Variants in TENM2 observed in about 807,000 individuals in gnomAD.
TENM2 encodes teneurin transmembrane protein 2.
In TENM2, 52 loss-of-function variants were observed where a neutral mutation model predicts 245.2. The ratio of observed to expected loss-of-function variants is 0.21; its 90% CI spans 0.17 to 0.27. TENM2 has a LOEUF of 0.27. Among genes scored for constraint, TENM2 ranks in the 10% least tolerant of loss-of-function variants. The pLI, the probability that TENM2 is intolerant of heterozygous loss-of-function variation, is 1.00. For missense variants in TENM2, 3,046 were observed against 3,666.8 expected, an observed-to-expected ratio of 0.83 and a Z score of 4.37; for synonymous variants, 1,363 against 1,438.9, an observed-to-expected ratio of 0.95 and a Z score of 1.19.
chr5:167,403,676 G>A (rs1762482574), intron 2 of TENM2, among the ~76,000 whole-genome samples: 1 of 152,088 alleles, frequency 6.6e-6, no homozygotes, highest in South Asian at 2.1e-4. Context: ...AACTTCTTCA[G>A]AAAGAACATA....
At chr5:167,231,457 A>G in the TENM2 span, among the ~76,000 whole-genome samples, 3 of 152,224 alleles carry the variant, frequency 2.0e-5, no homozygotes, top group African/African-American at 7.2e-5. Flanking sequence ...AACTCTTACT[A>G]TGTTTTAGCA....
At chr5:168,042,497 G>A (rs1240930993) in intron 5 of TENM2, among the ~76,000 whole-genome samples, 4 of 152,066 alleles carry the variant, frequency 2.6e-5, no homozygotes, top group Admixed American at 2.6e-4. Context: ...GCACCCAGCA[G>A]GGCCCACACA....
the TENM2 span, among the ~76,000 whole-genome samples, chr5:167,053,769 G>C: frequency 6.6e-6 from 1 of 152,080 alleles, no homozygotes; most frequent in Non-Finnish European, 1.5e-5. Context: ...TTACACAACA[G>C]GGTATTTAAC....
At chr5:167,328,132 T>TAA (rs36152556) in intron 1 of TENM2, among the ~76,000 whole-genome samples, 2 of 144,956 alleles carry the variant, frequency 1.4e-5, no homozygotes, top group African/African-American at 2.6e-5. Context: ...GTGAACTTGT[T>TAA]AAAAAAAAAA....
chr5:167,681,884 TTAAC>T (rs1460230661), intron 2 of TENM2, among the ~76,000 whole-genome samples: 2 of 152,126 alleles, frequency 1.3e-5, no homozygotes, highest in Admixed American at 6.6e-5. Context: ...TATTTTCTCT[TTAAC>T]TATGTTCATT....
At chr5:167,933,335 G>T (rs1314225501) in intron 3 of TENM2, among the ~76,000 whole-genome samples, 1 of 152,192 alleles carries the variant, frequency 6.6e-6, no homozygotes, top group Non-Finnish European at 1.5e-5. Context: ...ATGGTAAGGA[G>T]TGTGTGATGT....
the TENM2 span, among the ~76,000 whole-genome samples, chr5:167,220,795 G>A: frequency 6.6e-6 from 1 of 151,898 alleles, no homozygotes; most frequent in Non-Finnish European, 1.5e-5. Flanking sequence ...CTCAGTCACA[G>A]CTCTTTATTG....
chr5:167,680,054 A>C (rs1240017435), intron 2 of TENM2, among the ~76,000 whole-genome samples: 1 of 152,252 alleles, frequency 6.6e-6, no homozygotes, highest in East Asian at 1.9e-4. Context: ...TTTAAGACAC[A>C]GGCTTTGGAG....
At chr5:168,138,855 T>C (rs922257944) in intron 12 of TENM2, among the ~76,000 whole-genome samples, 6 of 152,194 alleles carry the variant, frequency 3.9e-5, no homozygotes, top group Non-Finnish European at 7.3e-5. Context: ...AGCACAGTAC[T>C]GGGTGTGACA....
intron 2 of TENM2, chr5:167,721,415 A>G (rs1207402027): frequency 6.6e-6 from 1 of 152,186 alleles, no homozygotes; most frequent in African/African-American, 2.4e-5. Flanking sequence ...TAGGTAAAAG[A>G]TCCGACTGGA....
intron 2 of TENM2, among the ~76,000 whole-genome samples, chr5:167,395,110 T>C (rs1272995047): frequency 6.6e-6 from 1 of 152,184 alleles, no homozygotes; most frequent in African/African-American, 2.4e-5. Flanking sequence ...CAACATTAAG[T>C]CTTCCAATCC....
intron 5 of TENM2, among the ~76,000 whole-genome samples, chr5:168,031,465 C>T (rs989806474): frequency 1.3e-5 from 2 of 152,132 alleles, no homozygotes; most frequent in Non-Finnish European, 2.9e-5. Context: ...TGCTCTTTGT[C>T]GGGTTCTTAA....
At chr5:167,927,477 G>A (rs2151675316) in intron 3 of TENM2, among the ~76,000 whole-genome samples, 1 of 152,178 alleles carries the variant, frequency 6.6e-6, no homozygotes, top group East Asian at 1.9e-4. Flanking sequence ...CTGGATGCAG[G>A]GACACCAACG....
At chr5:167,751,479 CA>C (rs1280948995) in intron 2 of TENM2, among the ~76,000 whole-genome samples, 1 of 151,972 alleles carries the variant, frequency 6.6e-6, no homozygotes, top group African/African-American at 2.4e-5. Flanking sequence ...CATGTGTACA[CA>C]GAATTATTAC....
At chr5:167,992,162 T>C (rs1436274754) in intron 4 of TENM2, among the ~76,000 whole-genome samples, 3 of 152,038 alleles carry the variant, frequency 2.0e-5, no homozygotes, top group Non-Finnish European at 4.4e-5. Context: ...ACATATTAGG[T>C]ATAGTGGACA....
At chr5:167,038,178 G>A in the TENM2 span, among the ~76,000 whole-genome samples, 46 of 152,174 alleles carry the variant, frequency 3.0e-4, no homozygotes, top group Admixed American at 2.3e-3. Context: ...AATGGCAAAG[G>A]GCGCAGGAGA....
chr5:167,309,270 C>G (rs1755874375), intron 1 of TENM2, among the ~76,000 whole-genome samples: 1 of 152,172 alleles, frequency 6.6e-6, no homozygotes. Context: ...TGGGTTGATA[C>G]TGCAACGTGG....
chr5:168,173,237 A>G (rs1265701886), intron 13 of TENM2, among the ~76,000 whole-genome samples: 1 of 152,178 alleles, frequency 6.6e-6, no homozygotes, highest in Non-Finnish European at 1.5e-5. Context: ...GCAGCTGCAA[A>G]ACCCAAGGAG....
chr5:167,085,923 T>C, the TENM2 span, among the ~76,000 whole-genome samples: 1 of 152,208 alleles, frequency 6.6e-6, no homozygotes, highest in Non-Finnish European at 1.5e-5. Context: ...ACTACTCTTG[T>C]ATTGATCACT....
Sources: gnomAD v4.1 joint callset for allele counts (sites outside exome capture counted in the v4.1 genomes callset) on GRCh38, gnomAD v4.1.1 for gene constraint, MANE v1.5 for transcripts, NCBI Gene and HGNC (gene_info 2026-07-23, HGNC 2026-07-21) for gene names.